LRIG2: variants seen among roughly 807,000 people sequenced by gnomAD.
LRIG2 encodes leucine rich repeats and immunoglobulin like domains 2.
In LRIG2, 93 loss-of-function variants were observed where a neutral mutation model predicts 107.8. The observed-to-expected ratio is 0.86, with a 90% CI of 0.73 to 1.03. The LOEUF (loss-of-function observed/expected upper bound fraction) is 1.03. Among genes scored for constraint, LRIG2 ranks in the 50% least tolerant of loss-of-function variants. The pLI is 0.00. For missense variants in LRIG2, 1,226 were observed against 1,296.0 expected, an observed-to-expected ratio of 0.95 and a Z score of 0.83; for synonymous variants, 471 against 470.6, an observed-to-expected ratio of 1.00 and a Z score of -0.01.
rs537891342 is a variant in LRIG2 at position 113,081,243 on chromosome 1, A to AT, written c.239+7604dup. Among the ~76,000 whole-genome samples, 242 of 152,008 alleles carry AT rather than the reference A, an allele frequency of 1.6e-3. 2 individuals carry two copies. The highest frequency in any genetic ancestry group is 5.2e-3 in the African/African-American group (216 of 41,464). ...AAAACGTATCCACAAGTAATCTTTC[A>AT]TTTTTTCCCTTATCTTTGTTTTTAT... On this transcript the variant is annotated intron_variant, in intron 1 of 17. Transcript: ENST00000361127.
chr1:113,094,253 T>A (rs1653949265), intron 4 of LRIG2, 86 bp from the exon 5 acceptor site: 5 of 921,330 alleles, frequency 5.4e-6, no homozygotes, highest in Non-Finnish European at 8.1e-6. Flanking sequence ...AGCTGGGGGC[T>A]TAGACATAGA....
rs1017182464 is a variant in LRIG2 at position 113,125,491 on chromosome 1, AATTG to A, written c.*1396_*1399del. 5 of 152,116 alleles carry A rather than the reference AATTG, an allele frequency of 3.3e-5. No homozygotes were observed. Among genetic ancestry groups the A allele is most frequent in the Non-Finnish European group, 5.9e-5 (4 of 68,026 alleles). 9.4% of individuals were successfully genotyped at this position (152,116 alleles called of 1,614,324 possible). A position where few individuals can be genotyped will look rare whatever the true frequency, so the allele number is the denominator to read the frequency against. ...CCCTCTTTTTTTTTACTGAAACAGA[AATTG>A]ATTGAGGAAGGTTCAGTCATTCCTT... is the stretch of plus-strand genomic sequence containing the variant. On this transcript the variant is annotated 3_prime_UTR_variant, in exon 18 of 18. Coordinates refer to ENST00000361127, the MANE Select transcript of LRIG2 (RefSeq NM_014813.3).
At chr1:113,090,987 G>A (rs183975853) in intron 1 of LRIG2, among the ~76,000 whole-genome samples, 2,658 of 151,920 alleles carry the variant, frequency 0.017, 31 homozygotes, top group Middle Eastern at 0.038. Flanking sequence ...GAGTAGCTGG[G>A]ATTACAGGCG....
chr1:113,086,749 A>G (rs1362559388), intron 1 of LRIG2, among the ~76,000 whole-genome samples: 1 of 152,210 alleles, frequency 6.6e-6, no homozygotes, highest in Non-Finnish European at 1.5e-5. Flanking sequence ...TTAATAATTC[A>G]TCATTTATTA....
intron 1 of LRIG2, 53 bp downstream of exon 1, chr1:113,073,698 A>T (rs944709996): frequency 6.6e-7 from 1 of 1,518,852 alleles, no homozygotes; most frequent in Non-Finnish European, 9.0e-7. Flanking sequence ...CCTTCCCTCT[A>T]CAGGGGGCAG....
chr1:113,112,395 C>T (rs1654807105), intron 13 of LRIG2, 84 bp from the exon 14 acceptor site: 2 of 1,246,760 alleles, frequency 1.6e-6, no homozygotes, highest in African/African-American at 1.5e-5. Context: ...GTCTTGCCTA[C>T]TAGATTCTTT....
chr1:113,109,635 C>T (rs1654686729), intron 12 of LRIG2, among the ~76,000 whole-genome samples: 1 of 152,196 alleles, frequency 6.6e-6, no homozygotes, highest in East Asian at 1.9e-4. Context: ...TCTCCTTCCT[C>T]AGCTTCTCAA....
chr1:113,109,417 A>C (rs1046303821), intron 12 of LRIG2, among the ~76,000 whole-genome samples: 3 of 152,260 alleles, frequency 2.0e-5, no homozygotes, highest in Non-Finnish European at 4.4e-5. Flanking sequence ...TGCACATACA[A>C]AATGCTTTCA....
Position 113,096,329 on chromosome 1 carries a change from A to G in LRIG2, c.1055A>G (p.Asp352Gly). The change falls in exon 8 of 18, where the codon GAT becomes GGT. Residue 352 changes from aspartate (D) to glycine (G), a missense_variant. By Grantham distance (94) the Asp-to-Gly change is moderately conservative. This residue lies in a region of LRIG2 where 570 missense variants were observed against 550.2 expected (regional missense o/e 1.04). Transcript: ENST00000361127. ...GACAACAGAGTCACTCATATTGCTG[A>G]TGGTGTATTTAGATTTCTTTCCAAT... ...LGDNRVTHIA[D>G]GVFRFLSNLQ... 1.9e-6 allele frequency: 3 copies of G among 1,614,092 alleles called. No individual in the cohort carries two copies. Among genetic ancestry groups the G allele is most frequent in the Non-Finnish European group, 1.7e-6 (2 of 1,179,978 alleles).
chr1:113,113,518 A>AGT (rs1654862461), intron 14 of LRIG2, among the ~76,000 whole-genome samples: 1 of 146,158 alleles, frequency 6.8e-6, no homozygotes, highest in Non-Finnish European at 1.5e-5. Context: ...AACCAGAAAA[A>AGT]TAAGAAGTCA....
intron 17 of LRIG2, among the ~76,000 whole-genome samples, chr1:113,120,260 G>A (rs559828202): frequency 1.3e-4 from 19 of 151,022 alleles, no homozygotes; most frequent in Non-Finnish European, 1.8e-4. Flanking sequence ...GACCAGCCTG[G>A]CCAACATAGG....
At chr1:113,080,179 C>T (rs1229516367) in intron 1 of LRIG2, among the ~76,000 whole-genome samples, 2 of 151,104 alleles carry the variant, frequency 1.3e-5, no homozygotes, top group East Asian at 2.0e-4. Context: ...TACCACCTCA[C>T]CCAGCTAATT....
chr1:113,123,739 G>T (rs1232125844), intron 17 of LRIG2, 136 bp from the exon 18 acceptor site: 25 of 642,810 alleles, frequency 3.9e-5, no homozygotes, highest in African/African-American at 3.3e-4. Flanking sequence ...GTGTGTGTGT[G>T]TGTGTGTGTG....
intron 11 of LRIG2, among the ~76,000 whole-genome samples, chr1:113,106,143 G>A (rs201863652): frequency 8.2e-4 from 124 of 152,044 alleles, no homozygotes; most frequent in African/African-American, 2.8e-3. Flanking sequence ...CAGGAGAATC[G>A]CTTGAACCCG....
chr1:113,080,019 ATTTTTTTTTTTT>A (rs35584269), intron 1 of LRIG2, among the ~76,000 whole-genome samples: 8 of 112,638 alleles, frequency 7.1e-5, no homozygotes, highest in African/African-American at 3.7e-5. Flanking sequence ...CCTGGCCCGA[ATTTTTTTTTTTT>A]TTTTTTTTGA....
chr1:113,121,289 T>C (rs1655243363), intron 17 of LRIG2, among the ~76,000 whole-genome samples: 1 of 152,232 alleles, frequency 6.6e-6, no homozygotes, highest in East Asian at 1.9e-4. Context: ...ATATACATTA[T>C]ATTGTATAGA....
chr1:113,104,016 T>A lies in LRIG2; in HGVS notation c.1313+3528T>A, dbSNP rs74466151. On this transcript the variant is annotated intron_variant, in intron 11 of 17. Coordinates refer to ENST00000361127, the MANE Select transcript of LRIG2 (RefSeq NM_014813.3). ...CTCCCATGGCAATTTCTCTGGCATC[T>A]GAATCCCCTCTGTTTGAGCCCCTGC... Among the ~76,000 whole-genome samples the A allele has an allele frequency of 0.011, 1,666 of 152,300 alleles. 68 individuals carry two copies. The East Asian group carries it at 0.12, about 11-fold the overall frequency.
In LRIG2 at chr1:113,093,242, T is replaced by C. The variant is rs1437478232; in HGVS notation, c.342T>C (p.Tyr114=). ...MNYNELTEIP[Y]FGEPTSNITL... ...ACAATGAACTAACAGAAATCCCGTA[T>C]TTTGGAGAACCTACATCTAATATTA... Residue 114 remains tyrosine (Y), a synonymous_variant, in exon 3 of 18, where the codon TAT becomes TAC. Coordinates refer to ENST00000361127, the MANE Select transcript of LRIG2 (RefSeq NM_014813.3). The C allele has an allele frequency of 4.4e-6, 7 of 1,599,756 alleles. No homozygotes were observed. The highest frequency in any genetic ancestry group is 6.0e-6 in the Non-Finnish European group (7 of 1,172,886).
chr1:113,077,485 C>A (rs930624497), intron 1 of LRIG2, among the ~76,000 whole-genome samples: 1 of 152,178 alleles, frequency 6.6e-6, no homozygotes, highest in African/African-American at 2.4e-5. Context: ...GGAACCAGTG[C>A]TGTACTTGAT....
Sources: allele counts gnomAD v4.1 joint callset (sites outside exome capture counted in the v4.1 genomes callset), GRCh38; gene constraint gnomAD v4.1.1; regional missense constraint gnomAD v4.1.1; transcripts MANE v1.5; gene names NCBI Gene and HGNC (gene_info 2026-07-23, HGNC 2026-07-21).